The following DLGAP1 variants were observed in gnomAD, a reference collection of about 807,000 sequenced individuals.
DLGAP1 encodes the protein disks large-associated protein 1.
In DLGAP1, 11 loss-of-function variants were observed where a neutral mutation model predicts 90.8. The ratio of observed to expected loss-of-function variants is 0.12; its 90% CI spans 0.08 to 0.20. The LOEUF (loss-of-function observed/expected upper bound fraction) is 0.20. Ranked by LOEUF, DLGAP1 falls within the 10% of genes least tolerant of loss-of-function variation. The pLI is 1.00. For missense variants in DLGAP1, 1,050 were observed against 1,333.8 expected, an observed-to-expected ratio of 0.79 and a Z score of 3.31; for synonymous variants, 558 against 540.7, an observed-to-expected ratio of 1.03 and a Z score of -0.44.
intron 7 of DLGAP1, among the ~76,000 whole-genome samples, chr18:3,684,300 C>T (rs1482088916): frequency 1.3e-5 from 2 of 151,888 alleles, no homozygotes; most frequent in African/African-American, 4.8e-5. Flanking sequence ...AGCAATTCTC[C>T]CACCTCAGAC....
intron 12 of DLGAP1, among the ~76,000 whole-genome samples, chr18:3,501,482 G>A (rs959463324): frequency 3.9e-5 from 6 of 152,112 alleles, no homozygotes; most frequent in Non-Finnish European, 8.8e-5. Flanking sequence ...TTGGAAACGG[G>A]GGACAGTGAT....
At chr18:3,780,551 C>T (rs549393599) in intron 5 of DLGAP1, among the ~76,000 whole-genome samples, 2 of 152,272 alleles carry the variant, frequency 1.3e-5, no homozygotes, top group South Asian at 4.2e-4. Flanking sequence ...ACTTTTCCGC[C>T]TCCCTTTTCA....
intron 4 of DLGAP1, among the ~76,000 whole-genome samples, chr18:3,827,763 T>G (rs988005960): frequency 6.6e-6 from 1 of 152,238 alleles, no homozygotes; most frequent in African/African-American, 2.4e-5. Context: ...CATTCTCTTC[T>G]GTTGTATTCT....
intron 9 of DLGAP1, among the ~76,000 whole-genome samples, chr18:3,556,729 G>T (rs1307406817): frequency 1.3e-5 from 2 of 152,134 alleles, no homozygotes; most frequent in Non-Finnish European, 2.9e-5. Flanking sequence ...ACCACGTGCA[G>T]GATTTTGAGT....
At chr18:3,968,998 C>G (rs1599239173) in intron 3 of DLGAP1, among the ~76,000 whole-genome samples, 1 of 151,970 alleles carries the variant, frequency 6.6e-6, no homozygotes, top group African/African-American at 2.4e-5. Flanking sequence ...TGGCAAGAGA[C>G]CAGCGAGACA....
intron 1 of DLGAP1, among the ~76,000 whole-genome samples, chr18:4,368,189 T>C (rs2081822073): frequency 6.6e-6 from 1 of 152,162 alleles, no homozygotes. Flanking sequence ...TTTAAAGAAA[T>C]TTCTAACAAG....
At chr18:4,389,111 C>T (rs977348304) in intron 1 of DLGAP1, among the ~76,000 whole-genome samples, 1 of 152,152 alleles carries the variant, frequency 6.6e-6, no homozygotes, top group East Asian at 1.9e-4. Context: ...AGCAACACAA[C>T]TGATCATTGA....
chr18:3,894,669 C>G (rs575328611), intron 3 of DLGAP1: 1 of 152,172 alleles, frequency 6.6e-6, no homozygotes, highest in African/African-American at 2.4e-5. Flanking sequence ...AGTTTAGGCT[C>G]TTTTTTGATT....
At chr18:4,090,096 C>A (rs2075752522) in intron 2 of DLGAP1, among the ~76,000 whole-genome samples, 1 of 152,046 alleles carries the variant, frequency 6.6e-6, no homozygotes, top group Non-Finnish European at 1.5e-5. Flanking sequence ...CAAAAATTAA[C>A]TCAAGATAGA....
intron 1 of DLGAP1, chr18:4,275,435 A>C (rs551178128): frequency 6.6e-6 from 1 of 152,174 alleles, no homozygotes; most frequent in South Asian, 2.1e-4. Flanking sequence ...TGTTTCTCCC[A>C]CTGTTGGCAA....
rs2082165020 is a variant in DLGAP1 at position 4,383,187 on chromosome 18, G to A, written c.-267+71819C>T. Among the ~76,000 whole-genome samples the A allele has an allele frequency of 6.6e-6, 1 of 152,004 alleles. No individual in the cohort carries two copies. The highest frequency in any genetic ancestry group is 2.4e-5 in the African/African-American group (1 of 41,380). On this transcript the variant is annotated intron_variant, in intron 1 of 12. Transcript: ENST00000315677. The surrounding 1 kb of genome is among the most constrained non-coding windows in gnomAD (Gnocchi z 4.0). ...GCATCATTATCCAGATAGAACAAAA[G>A]CACAAACAAAACATTAAAACATTAC...
At chr18:4,105,725 AGGAGGCC>A (rs915048552) in intron 2 of DLGAP1, among the ~76,000 whole-genome samples, 2 of 152,206 alleles carry the variant, frequency 1.3e-5, no homozygotes, top group Non-Finnish European at 2.9e-5. Context: ...TCAGGAGAAA[AGGAGGCC>A]TTAAAAGTTG....
At chr18:3,609,179 G>A (rs540012525) in intron 7 of DLGAP1, among the ~76,000 whole-genome samples, 10 of 121,248 alleles carry the variant, frequency 8.2e-5, no homozygotes, top group African/African-American at 2.9e-4. Context: ...AAGTAGCTGG[G>A]ACTGCAGGTG....
chr18:4,315,905 T>A (rs1389250647), intron 1 of DLGAP1, among the ~76,000 whole-genome samples: 1 of 152,206 alleles, frequency 6.6e-6, no homozygotes, highest in Non-Finnish European at 1.5e-5. Flanking sequence ...AACTGATGGT[T>A]TTCCCATGAG....
chr18:4,212,437 G>A (rs1300580551), intron 1 of DLGAP1, among the ~76,000 whole-genome samples: 1 of 151,798 alleles, frequency 6.6e-6, no homozygotes, highest in Non-Finnish European at 1.5e-5. Flanking sequence ...AGGCTGAGGT[G>A]GGTGGATCAC....
chr18:3,937,667 T>C (rs566224889), intron 3 of DLGAP1, among the ~76,000 whole-genome samples: 1 of 152,328 alleles, frequency 6.6e-6, no homozygotes, highest in Admixed American at 6.5e-5. Flanking sequence ...ATAAATCGGA[T>C]ATGAACAAAG....
At chr18:4,427,991 T>C (rs3862160) in intron 1 of DLGAP1, among the ~76,000 whole-genome samples, 39,534 of 152,172 alleles carry the variant, frequency 0.26, 5,893 homozygotes, top group East Asian at 0.37. Context: ...AAAGAAGGTA[T>C]GTATTAAATT....
At chr18:3,741,126 A>AT (rs2062956604) in intron 6 of DLGAP1, among the ~76,000 whole-genome samples, 1 of 113,254 alleles carries the variant, frequency 8.8e-6, no homozygotes, top group Non-Finnish European at 1.8e-5. Context: ...CACCATCACC[A>AT]CCACCACCAC....
chr18:4,274,072 CT>C (rs368972140), intron 1 of DLGAP1, among the ~76,000 whole-genome samples: 8,291 of 142,192 alleles, frequency 0.058, 339 homozygotes, highest in African/African-American at 0.12. Context: ...GTTTAGTTTG[CT>C]TTTTTTTTTT....
Sources: gnomAD v4.1 joint callset for allele counts (sites outside exome capture counted in the v4.1 genomes callset) on GRCh38, gnomAD v4.1.1 for gene constraint, Gnocchi (gnomAD v3.1) non-coding constraint, MANE v1.5 for transcripts, NCBI Gene and HGNC (gene_info 2026-07-23, HGNC 2026-07-21) for gene names.